Variants in TSHZ1 observed in about 807,000 individuals in gnomAD.
TSHZ1 encodes teashirt zinc finger homeobox 1.
A neutral mutation model predicts 67.1 loss-of-function variants in TSHZ1; 12 were observed. The observed-to-expected ratio is 0.18, with a 90% confidence interval of 0.11 to 0.29. The LOEUF is 0.29. TSHZ1 is among the 10% of genes least tolerant of loss of function. The pLI, the probability that TSHZ1 is intolerant of heterozygous loss-of-function variation, is 1.00. For missense variants in TSHZ1, 1,305 were observed against 1,413.9 expected (o/e 0.92, Z 1.23); for synonymous variants, 632 against 622.4 (o/e 1.02, Z -0.23).
chr18:75,242,378 TGCAAG>T (rs1264156872), intron 1 of TSHZ1, among the ~76,000 whole-genome samples: 1 of 152,188 alleles, frequency 6.6e-6, no homozygotes, highest in Non-Finnish European at 1.5e-5. Context: ...ACTCAGCAGC[TGCAAG>T]GAACCTATCA....
chr18:75,232,655 A>G (rs1351788246), intron 1 of TSHZ1, among the ~76,000 whole-genome samples: 1 of 152,170 alleles, frequency 6.6e-6, no homozygotes. Flanking sequence ...CTCCAGGTAA[A>G]CCCTGAAGGA....
Position 75,232,514 on chromosome 18 carries a change from G to GAT in TSHZ1, c.40+20607_40+20608dup, listed in dbSNP as rs896687988. On this transcript the variant is annotated intron_variant, in intron 1 of 1. Transcript: ENST00000580243. The stretch of plus-strand genomic sequence containing the variant: ...TCTTTCTCAACTTTGCATTGAGAGA[G>GAT]ATATATATATCTTATTTATTTAGTA... Among the ~76,000 whole-genome samples the GAT allele has an allele frequency of 5.2e-4, 79 of 152,232 alleles. 1 individual carries two copies. Among genetic ancestry groups the GAT allele is most frequent in the East Asian group, 3.9e-4 (2 of 5,182 alleles).
rs754522600 is a variant in TSHZ1 at position 75,287,215 on chromosome 18, C to T, written c.1808C>T (p.Pro603Leu). The change falls in exon 2 of 2, where the codon CCG becomes CTG. Residue 603 changes from proline to leucine, a missense_variant. Pro to Leu is a moderately conservative substitution (Grantham distance 98). Around this residue, in one of 3 missense-constraint regions of TSHZ1, gnomAD observed 909 missense variants for 961.8 expected, o/e 0.95. Transcript: ENST00000580243. This position sits in a 1 kb window ranked among gnomAD's most constrained non-coding sequence, Gnocchi z 5.0. ...PAAVQSVQVQ[P>L]SYAGGVKSLS... The stretch of plus-strand genomic sequence containing the variant: ...GCCGTGCAGAGCGTGCAGGTGCAGC[C>T]GTCCTATGCTGGCGGCGTGAAGTCG... 2.7e-5 allele frequency: 44 copies of T among 1,613,790 alleles called. 1 individual carries two copies. The highest frequency in any genetic ancestry group is 1.9e-4 in the African/African-American group (14 of 75,050).
chr18:75,250,294 TCCACGCTCCACGC>T (rs1486024961), intron 1 of TSHZ1, among the ~76,000 whole-genome samples: 2 of 152,106 alleles, frequency 1.3e-5, no homozygotes, highest in South Asian at 4.1e-4. Context: ...TCTCCCAGCC[TCCACGCTCCACGC>T]CCACACCCTC....
At chr18:75,237,406 C>T (rs1245162816) in intron 1 of TSHZ1, among the ~76,000 whole-genome samples, 1 of 151,998 alleles carries the variant, frequency 6.6e-6, no homozygotes. Flanking sequence ...CCTGTAGTCC[C>T]AGCTACTCAG....
chr18:75,245,627 T>C (rs1274263416), intron 1 of TSHZ1, among the ~76,000 whole-genome samples: 1 of 152,192 alleles, frequency 6.6e-6, no homozygotes, highest in Non-Finnish European at 1.5e-5. Flanking sequence ...TGTTTTGTTC[T>C]GATTGATTTT....
chr18:75,250,352 C>T (rs1448293505), intron 1 of TSHZ1, among the ~76,000 whole-genome samples: 2 of 152,198 alleles, frequency 1.3e-5, no homozygotes, highest in Non-Finnish European at 2.9e-5. Context: ...GAGCTTCTCC[C>T]CGCAGAGTCC....
At position 75,280,071 on chromosome 18, in the gene TSHZ1, T is replaced by C. The variant is rs569450524; in HGVS notation, c.41-5377T>C. Among the ~76,000 whole-genome samples, 6 of 152,368 alleles carry C rather than the reference T, an allele frequency of 3.9e-5. No individual in the cohort carries two copies. In the East Asian group the frequency reaches 1.2e-3, roughly 29 times the overall value. ...AAGGATTTTCTCTTTGTACTGTGTA[T>C]ATAATTTTGTCTTCTGCTTTTTTCA... On this transcript the variant is annotated intron_variant, in intron 1 of 1. Transcript: ENST00000580243.
Position 75,281,154 on chromosome 18 carries a change from G to A in TSHZ1, c.41-4294G>A, listed in dbSNP as rs981237860. ...CGTCTGCTGGAAGGGAGAATGTCAC[G>A]GACCAGGAGTGGAGCGAGGTCATCT... is the stretch of plus-strand genomic sequence containing the variant. On this transcript the variant is annotated intron_variant, in intron 1 of 1. Coordinates refer to ENST00000580243, the MANE Select transcript of TSHZ1 (RefSeq NM_001308210.2). This position sits in a 1 kb window ranked among gnomAD's most constrained non-coding sequence, Gnocchi z 5.3. Among the ~76,000 whole-genome samples the A allele has an allele frequency of 6.6e-5, 10 of 152,200 alleles. No individual in the cohort carries two copies. The highest frequency in any genetic ancestry group is 1.9e-4 in the African/African-American group (8 of 41,456).
rs1292098131 is a variant in TSHZ1 at position 75,288,173 on chromosome 18, C to A, written c.2766C>A (p.Gly922=). The stretch of plus-strand genomic sequence containing the variant: ...GCAAGTACATCATGTCGGACTTGGG[C>A]CCGCAGGAGAGGGTGCACATCTCGA... The part of the protein sequence containing the change: ...TEGKYIMSDL[G]PQERVHISKF... The change falls in exon 2 of 2, where the codon GGC becomes GGA. Residue 922 remains glycine, a synonymous_variant. Coordinates refer to ENST00000580243, the MANE Select transcript of TSHZ1 (RefSeq NM_001308210.2). This position sits in a 1 kb window ranked among gnomAD's most constrained non-coding sequence, Gnocchi z 4.9. 1.9e-6 allele frequency: 3 copies of A among 1,614,048 alleles called. No individual in the cohort carries two copies. The highest frequency in any genetic ancestry group is 1.3e-5 in the African/African-American group (1 of 74,922).
At chr18:75,236,430 C>T (rs1004286013) in intron 1 of TSHZ1, among the ~76,000 whole-genome samples, 1 of 152,160 alleles carries the variant, frequency 6.6e-6, no homozygotes. Context: ...ATCCATATCC[C>T]AAAGTCACAT....
intron 1 of TSHZ1, among the ~76,000 whole-genome samples, chr18:75,247,920 T>A (rs1008175789): frequency 6.6e-6 from 1 of 151,586 alleles, no homozygotes; most frequent in Non-Finnish European, 1.5e-5. Flanking sequence ...TAGCAAAAGA[T>A]TTTATTTATT....
intron 1 of TSHZ1, among the ~76,000 whole-genome samples, chr18:75,248,000 A>G (rs2023245506): frequency 6.6e-6 from 1 of 152,176 alleles, no homozygotes; most frequent in Admixed American, 6.5e-5. Flanking sequence ...CACAGTAAGA[A>G]AGCACTGTTT....
At chr18:75,257,624 A>C (rs1022065157) in intron 1 of TSHZ1, among the ~76,000 whole-genome samples, 1 of 152,110 alleles carries the variant, frequency 6.6e-6, no homozygotes, top group Non-Finnish European at 1.5e-5. Context: ...AGACAGAAAA[A>C]AAAAAAGGCT....
intron 1 of TSHZ1, among the ~76,000 whole-genome samples, chr18:75,214,547 C>T (rs940739061): frequency 3.3e-5 from 5 of 152,124 alleles, no homozygotes; most frequent in African/African-American, 1.2e-4. Flanking sequence ...GCATGTTGGC[C>T]TGCCTCACTG....
At chr18:75,212,483 G>A (rs1282675942) in intron 1 of TSHZ1, among the ~76,000 whole-genome samples, 6 of 151,994 alleles carry the variant, frequency 3.9e-5, no homozygotes, top group Non-Finnish European at 8.8e-5. Context: ...GACTCTGATT[G>A]AACAGAAAAG....
intron 1 of TSHZ1, among the ~76,000 whole-genome samples, chr18:75,240,941 T>C (rs2023148200): frequency 6.6e-6 from 1 of 152,182 alleles, no homozygotes; most frequent in African/African-American, 2.4e-5. Context: ...GTGTTTGTCA[T>C]TTGTAAGTAC....
In TSHZ1 at chr18:75,286,019, G is replaced by A. The variant is rs1463087177; in HGVS notation, c.612G>A (p.Leu204=). 6.2e-7 allele frequency: 1 copy of A among 1,610,994 alleles called. No individual in the cohort carries two copies. The highest frequency in any genetic ancestry group is 1.7e-5 in the Admixed American group (1 of 59,770). Residue 204 remains leucine (L), a synonymous_variant, in exon 2 of 2, where the codon CTG becomes CTA. Coordinates refer to ENST00000580243, the MANE Select transcript of TSHZ1 (RefSeq NM_001308210.2). The surrounding 1 kb of genome is among the most constrained non-coding windows in gnomAD (Gnocchi z 5.1). ...SSGYDWHQAA[L]AKTLQQTSSY... ...GGTACGACTGGCACCAGGCTGCACT[G>A]GCCAAGACGCTGCAGCAGACGTCCT...
Position 75,287,712 on chromosome 18 carries a change from G to T in TSHZ1, c.2305G>T (p.Asp769Tyr). The T allele has an allele frequency of 1.2e-6, 2 of 1,614,184 alleles. No individual in the cohort carries two copies. Among genetic ancestry groups the T allele is most frequent in the South Asian group, 2.2e-5 (2 of 91,088 alleles). The stretch of plus-strand genomic sequence containing the variant: ...GTCCAAGCCCGTGAGTCCCTCGCTG[G>T]ACCCGCTGGCGATGCTGTACAAGAT... ...KVSKPVSPSLDPLAMLYKISN... is the reference protein window; with the variant it reads ...KVSKPVSPSLYPLAMLYKISN... Residue 769 changes from aspartate (D) to tyrosine (Y), a missense_variant, in exon 2 of 2, where the codon GAC becomes TAC. Physicochemically the swap from Asp to Tyr is radical, Grantham distance 160 (BLOSUM62 -3). This residue lies in a region of TSHZ1 where 909 missense variants were observed against 961.8 expected (regional missense o/e 0.95). Transcript: ENST00000580243. The surrounding 1 kb of genome is among the most constrained non-coding windows in gnomAD (Gnocchi z 5.0).
Sources: gnomAD v4.1 joint callset for allele counts (sites outside exome capture counted in the v4.1 genomes callset) on GRCh38, gnomAD v4.1.1 for gene constraint, gnomAD v4.1.1 regional missense constraint, Gnocchi (gnomAD v3.1) non-coding constraint, MANE v1.5 for transcripts, NCBI Gene and HGNC (gene_info 2026-07-23, HGNC 2026-07-21) for gene names.